Variants in PGPEP1 observed in about 807,000 individuals in gnomAD.
PGPEP1 encodes pyroglutamyl-peptidase 1.
A neutral mutation model predicts 24.1 loss-of-function variants in PGPEP1; 15 were observed. That is an observed-to-expected ratio of 0.62 (90% CI 0.42 to 0.96). The LOEUF (loss-of-function observed/expected upper bound fraction) is 0.96. Ranked by LOEUF, PGPEP1 falls within the 40% of genes least tolerant of loss-of-function variation. The pLI is 0.00. For synonymous variants in PGPEP1, 122 were observed against 116.4 expected (o/e 1.05, Z -0.31); for missense variants, 242 against 273.4 (o/e 0.89, Z 0.81).
At chr19:18,356,049 C>A in intron 3 of PGPEP1, 38 bp downstream of exon 3, 2 of 1,300,144 alleles carry the variant, frequency 1.5e-6, no homozygotes, top group Non-Finnish European at 2.2e-6. Context: ...CTCATCAGGA[C>A]TTACAGGTTG....
At chr19:18,359,888 A>G (rs1301094192) in intron 4 of PGPEP1, among the ~76,000 whole-genome samples, 3 of 152,108 alleles carry the variant, frequency 2.0e-5, no homozygotes, top group Non-Finnish European at 4.4e-5. Flanking sequence ...AGACCAAGTT[A>G]TACCCTCCCA....
intron 1 of PGPEP1, 28 bp downstream of exon 1, chr19:18,340,743 G>T (rs1346639051): frequency 6.9e-7 from 1 of 1,453,968 alleles, no homozygotes; most frequent in Non-Finnish European, 9.1e-7. Context: ...GGCTGTAGCG[G>T]CAGCGGCCGG....
rs200359334 is a variant in PGPEP1 at position 18,356,017 on chromosome 19, T to C, written c.204+6T>C. Reference sequence around the variant, plus strand: ...GGGAGAAGCACAGTCCACAGGTGAGTGGTGCCAAGGGGCGGCACTTCCTCA... The same window carrying C: ...GGGAGAAGCACAGTCCACAGGTGAGCGGTGCCAAGGGGCGGCACTTCCTCA... On this transcript the variant is annotated splice_donor_region_variant and intron_variant, in intron 3 of 4. Coordinates refer to ENST00000269919, the MANE Select transcript of PGPEP1 (RefSeq NM_017712.4). The C allele has an allele frequency of 6.4e-7, 1 of 1,555,846 alleles. No homozygotes were observed. The highest frequency in any genetic ancestry group is 2.2e-5 in the East Asian group (1 of 44,580).
At chr19:18,362,788 A>G (rs1971379770) in intron 4 of PGPEP1, among the ~76,000 whole-genome samples, 1 of 149,824 alleles carries the variant, frequency 6.7e-6, no homozygotes, top group African/African-American at 2.4e-5. Flanking sequence ...GCTACTCAGG[A>G]GGGTGGGGTA....
In PGPEP1 at chr19:18,355,691, A is replaced by G. The variant is rs933926346; in HGVS notation, c.88-204A>G. Among the ~76,000 whole-genome samples, 3 of 152,204 alleles carry G rather than the reference A, an allele frequency of 2.0e-5. No individual in the cohort carries two copies. In the East Asian group the frequency reaches 5.8e-4, roughly 29 times the overall value. The stretch of plus-strand genomic sequence containing the variant: ...ATTTAACCCCAGGGACCATAGAATC[A>G]TGTCACCTTCCATAGAGATACAGAG... On this transcript the variant is annotated intron_variant, in intron 2 of 4. Coordinates refer to ENST00000269919, the MANE Select transcript of PGPEP1 (RefSeq NM_017712.4).
At chr19:18,349,300 G>A (rs536096850) in intron 2 of PGPEP1, among the ~76,000 whole-genome samples, 213 of 152,242 alleles carry the variant, frequency 1.4e-3, no homozygotes, top group South Asian at 2.5e-3. Context: ...TCATGCCTCA[G>A]CCTCCTGGGT....
rs1353948258 is a variant in PGPEP1, at chr19:18,367,695, C to CTG, written c.*4113_*4114insGT. ...AGCTTGGGGCCACCTAGCCCACCTG[C>CTG]TCCAATCAAGGGCTGGAACAAACCT... On this transcript the variant is annotated 3_prime_UTR_variant, in exon 5 of 5. Transcript: ENST00000269919. The CTG allele has an allele frequency of 1.3e-5, 2 of 152,192 alleles. No homozygotes were observed. The highest frequency in any genetic ancestry group is 4.8e-5 in the African/African-American group (2 of 41,396). 9.4% of individuals were successfully genotyped at this position (152,192 alleles called of 1,614,324 possible). A position where few individuals can be genotyped will look rare whatever the true frequency, so the allele number is the denominator to read the frequency against.
intron 2 of PGPEP1, among the ~76,000 whole-genome samples, chr19:18,347,651 T>G (rs1970891335): frequency 6.6e-6 from 1 of 150,642 alleles, no homozygotes; most frequent in South Asian, 2.1e-4. Flanking sequence ...TTTTTTTTTT[T>G]GAGACAGGGT....
chr19:18,363,401 G>C lies in PGPEP1; in HGVS notation c.448G>C (p.Asp150His), dbSNP rs1377019926. Reference sequence around the variant, plus strand: ...CGCCCTGCGGCTTAGATATCTCTGCGACTTTACCTACTACACCTCTTTGTA... The same window carrying C: ...CGCCCTGCGGCTTAGATATCTCTGCCACTTTACCTACTACACCTCTTTGTA... ...ISQDAGRYLC[D>H]FTYYTSLYQS... is the part of the protein sequence containing the mutation. The change falls in exon 5 of 5, where the codon GAC (aspartate) becomes CAC (histidine). Residue 150 changes from aspartate (D) to histidine (H), a missense_variant. Physicochemically the swap from Asp to His is moderately conservative, Grantham distance 81. Coordinates refer to ENST00000269919, the MANE Select transcript of PGPEP1 (RefSeq NM_017712.4). The C allele has an allele frequency of 1.2e-6, 2 of 1,607,490 alleles. No individual in the cohort carries two copies.
rs1971518187 is a variant in PGPEP1 at position 18,365,578 on chromosome 19, A to C, written c.*1995A>C. 1 of 152,268 alleles carries C rather than the reference A, an allele frequency of 6.6e-6. No individual in the cohort carries two copies. Among genetic ancestry groups the C allele is most frequent in the Non-Finnish European group, 1.5e-5 (1 of 68,110 alleles). 9.4% of individuals were successfully genotyped at this position (152,268 alleles called of 1,614,324 possible). On this transcript the variant is annotated 3_prime_UTR_variant, in exon 5 of 5. Transcript: ENST00000269919. ...GGCTGGTCTCGAACTCCTGGACTCA[A>C]ACTGATCCTCCTTTCTCGGCCTCCC...
intron 2 of PGPEP1, among the ~76,000 whole-genome samples, chr19:18,350,187 A>AT (rs953316016): frequency 6.6e-6 from 1 of 151,836 alleles, no homozygotes; most frequent in African/African-American, 2.4e-5. Flanking sequence ...CGCCTGGCTA[A>AT]TTTTTTTGTG....
rs1372691538 is a variant in PGPEP1, at chr19:18,355,952, G to A, written c.145G>A (p.Val49Ile). Reference protein sequence around the residue: ...SVDLHVYEIPVEYQTVQRLIP... With the variant: ...SVDLHVYEIPIEYQTVQRLIP... ...GGACCTGCATGTGTACGAGATTCCG[G>A]TTGAGTACCAAACAGTCCAGAGACT... is the stretch of plus-strand genomic sequence containing the variant. The change falls in exon 3 of 5, where the codon GTT becomes ATT. Residue 49 changes from valine (V) to isoleucine (I), a missense_variant. Coordinates refer to ENST00000269919, the MANE Select transcript of PGPEP1 (RefSeq NM_017712.4). 1.3e-5 allele frequency: 21 copies of A among 1,613,748 alleles called. No individual in the cohort carries two copies. The highest frequency in any genetic ancestry group is 2.2e-5 in the South Asian group (2 of 91,078).
chr19:18,352,430 C>CAA (rs368742529), intron 2 of PGPEP1, among the ~76,000 whole-genome samples: 14 of 137,666 alleles, frequency 1.0e-4, no homozygotes, highest in African/African-American at 3.4e-4. Flanking sequence ...TAATCCATCT[C>CAA]AAAAAAAAAA....
chr19:18,364,083 G>GTTCTTTCTTTCTTT lies in PGPEP1; in HGVS notation c.*500_*501insTTCTTTCTTTCTTT, dbSNP rs1568320782. 2 of 86,642 alleles carry GTTCTTTCTTTCTTT rather than the reference G, an allele frequency of 2.3e-5. No homozygotes were observed. The highest frequency in any genetic ancestry group is 3.7e-5 in the African/African-American group (1 of 26,690). The allele number at this position is 86,642 out of a possible 1,614,324, so 5.4% of individuals were successfully genotyped here. A position where few individuals can be genotyped will look rare whatever the true frequency, so the allele number is the denominator to read the frequency against. On this transcript the variant is annotated 3_prime_UTR_variant, in exon 5 of 5. Transcript: ENST00000269919. Reference sequence around the variant, plus strand: ...ACCCTGGGATATGGCTGGCTGGCTGGCTTTCTTTCTTTCTTTCTTTCTTTC... The same window carrying GTTCTTTCTTTCTTT: ...ACCCTGGGATATGGCTGGCTGGCTGGTTCTTTCTTTCTTTCTTTCTTTCTTTCTTTCTTTCTTTC...
rs547002936 is a variant in PGPEP1, at chr19:18,354,868, G to C, written c.88-1027G>C. 6.6e-5 allele frequency among the ~76,000 whole-genome samples: 10 copies of C among 151,304 alleles called. No individual in the cohort carries two copies. In the South Asian group the frequency reaches 2.1e-3, roughly 32 times the overall value. ...AGGATAATGGCAGCCAATGTCATTT[G>C]AACACTTAAAATATGCCAGACATGG... On this transcript the variant is annotated intron_variant, in intron 2 of 4. Coordinates refer to ENST00000269919, the MANE Select transcript of PGPEP1 (RefSeq NM_017712.4).
chr19:18,351,513 A>G (rs1442491178), intron 2 of PGPEP1, among the ~76,000 whole-genome samples: 1 of 150,028 alleles, frequency 6.7e-6, no homozygotes, highest in Non-Finnish European at 1.5e-5. Context: ...AATCCCAGCT[A>G]CTTGGGAGGC....
At chr19:18,362,764 C>T (rs1205004536) in intron 4 of PGPEP1, among the ~76,000 whole-genome samples, 1 of 149,296 alleles carries the variant, frequency 6.7e-6, no homozygotes, top group East Asian at 2.0e-4. Context: ...TGGTGGTGCA[C>T]ACCTGTAGTC....
chr19:18,345,828 T>C (rs1017589748), intron 2 of PGPEP1, among the ~76,000 whole-genome samples: 3 of 149,074 alleles, frequency 2.0e-5, no homozygotes, highest in Non-Finnish European at 3.0e-5. Flanking sequence ...TCGCTTGAGG[T>C]CAGGAGTCAA....
chr19:18,361,179 C>T (rs1971340451), intron 4 of PGPEP1, among the ~76,000 whole-genome samples: 1 of 151,848 alleles, frequency 6.6e-6, no homozygotes, highest in African/African-American at 2.4e-5. Context: ...CTCTTGTTGC[C>T]CAGGCTGGAG....
Sources: allele counts gnomAD v4.1 joint callset (sites outside exome capture counted in the v4.1 genomes callset), GRCh38; gene constraint gnomAD v4.1.1; transcripts MANE v1.5; gene names NCBI Gene and HGNC (gene_info 2026-07-23, HGNC 2026-07-21).